Variants in STXBP6 observed in about 807,000 individuals in gnomAD.
STXBP6 encodes the protein syntaxin-binding protein 6.
Under a neutral mutation model 26.9 loss-of-function variants are expected in STXBP6, and 21 were observed. That is an observed-to-expected ratio of 0.78 (90% confidence interval 0.55 to 1.12). The LOEUF is 1.12. Ranked by LOEUF, STXBP6 falls within the 50% of genes most tolerant of loss-of-function variation. The pLI, the probability that STXBP6 is intolerant of heterozygous loss-of-function variation, is 0.00. For synonymous variants in STXBP6, 97 were observed against 92.6 expected, an observed-to-expected ratio of 1.05 and a Z score of -0.27; for missense variants, 232 against 257.9, an observed-to-expected ratio of 0.90 and a Z score of 0.69.
At chr14:25,048,437 G>T (rs2140531878) in intron 1 of STXBP6, among the ~76,000 whole-genome samples, 1 of 152,296 alleles carries the variant, frequency 6.6e-6, no homozygotes, top group East Asian at 1.9e-4. Flanking sequence ...TCTGACTCTA[G>T]AACTGTGTAG....
Position 25,002,503 on chromosome 14 carries a change from G to T in STXBP6, c.-32-27653C>A, listed in dbSNP as rs989895344. 2.6e-5 allele frequency among the ~76,000 whole-genome samples: 4 copies of T among 152,010 alleles called. 1 individual carries two copies. The South Asian group carries it at 8.3e-4, about 32-fold the overall frequency. On this transcript the variant is annotated intron_variant, in intron 1 of 5. Coordinates refer to ENST00000323944, the MANE Select transcript of STXBP6 (RefSeq NM_001394410.1). ...GCCTCCCAAGTAGCTGGGACTATAG[G>T]CACGTGCCACCACAGCCAGCTAATT...
rs541270762 is a variant in STXBP6, at chr14:25,049,111, G to A, written c.-33+767C>T. On this transcript the variant is annotated intron_variant, in intron 1 of 5. Transcript: ENST00000323944. This position sits in a 1 kb window ranked among gnomAD's most constrained non-coding sequence, Gnocchi z 5.6. ...TGTCTTTCCAAATTCTCCACCTGCA[G>A]GTCCTGTCCTCTGTGAAGATGAACG... 154 of 964,826 alleles carry A rather than the reference G, an allele frequency of 1.6e-4. No homozygotes were observed. In the African/African-American group the frequency reaches 2.6e-3, roughly 16 times the overall value. The allele number at this position is 964,826 out of a possible 1,614,324, so 59.8% of individuals were successfully genotyped here.
intron 1 of STXBP6, among the ~76,000 whole-genome samples, chr14:24,979,458 C>T (rs2074130426): frequency 6.6e-6 from 1 of 152,190 alleles, no homozygotes; most frequent in Non-Finnish European, 1.5e-5. Context: ...TTTCCTACTT[C>T]AACGGAACTT....
At chr14:24,898,419 C>T (rs1355888103) in intron 2 of STXBP6, among the ~76,000 whole-genome samples, 3 of 152,226 alleles carry the variant, frequency 2.0e-5, no homozygotes, top group Admixed American at 6.5e-5. Flanking sequence ...CGGGTCATGC[C>T]TGTAATCCCA....
chr14:24,883,542 T>C (rs1241641), intron 2 of STXBP6, among the ~76,000 whole-genome samples: 124,563 of 152,178 alleles, frequency 0.82, 51,022 homozygotes, highest in Admixed American at 0.88. Context: ...TGCTCATGAA[T>C]GGTAGAAGCC....
At chr14:24,964,647 C>CTGTGTG (rs34132743) in intron 2 of STXBP6, among the ~76,000 whole-genome samples, 8,002 of 140,146 alleles carry the variant, frequency 0.057, 401 homozygotes, top group African/African-American at 0.13. Flanking sequence ...AGTTCTCATT[C>CTGTGTG]TGTGTGTGTG....
chr14:24,889,624 ATAT>A (rs1296402680), intron 2 of STXBP6, among the ~76,000 whole-genome samples: 2 of 152,064 alleles, frequency 1.3e-5, no homozygotes, highest in African/African-American at 4.8e-5. Context: ...GTGTACTTAC[ATAT>A]TATATGTATG....
intron 2 of STXBP6, among the ~76,000 whole-genome samples, chr14:24,950,753 A>T (rs1473922188): frequency 6.6e-6 from 1 of 152,130 alleles, no homozygotes; most frequent in African/African-American, 2.4e-5. Flanking sequence ...AAATTTTTTT[A>T]AAGTTGTATT....
intron 2 of STXBP6, among the ~76,000 whole-genome samples, chr14:24,912,257 C>A (rs1180931840): frequency 6.6e-6 from 1 of 152,060 alleles, no homozygotes; most frequent in African/African-American, 2.4e-5. Flanking sequence ...GCAGCCTCTT[C>A]CTTTCAATTT....
chr14:25,013,772 T>C (rs924305680), intron 1 of STXBP6, among the ~76,000 whole-genome samples: 6 of 147,594 alleles, frequency 4.1e-5, no homozygotes, highest in South Asian at 2.1e-4. Flanking sequence ...AAGGAAAAGA[T>C]AGTGAAGGGT....
intron 2 of STXBP6, among the ~76,000 whole-genome samples, chr14:24,959,931 A>G (rs1420413249): frequency 1.3e-5 from 2 of 152,262 alleles, no homozygotes; most frequent in East Asian, 1.9e-4. Context: ...ACAGTGTACT[A>G]AAAGCAAAGT....
intron 4 of STXBP6, among the ~76,000 whole-genome samples, chr14:24,839,315 C>G (rs1031365747): frequency 6.6e-6 from 1 of 152,094 alleles, no homozygotes; most frequent in Non-Finnish European, 1.5e-5. Flanking sequence ...GGGGTTGTAA[C>G]TAGTAAGTTA....
At chr14:24,858,574 A>G (rs2139197829) in intron 2 of STXBP6, among the ~76,000 whole-genome samples, 1 of 152,244 alleles carries the variant, frequency 6.6e-6, no homozygotes, top group South Asian at 2.1e-4. Context: ...CTTAACACCC[A>G]CAATCAGATG....
intron 2 of STXBP6, among the ~76,000 whole-genome samples, chr14:24,962,943 C>A (rs565417751): frequency 2.7e-5 from 4 of 150,102 alleles, no homozygotes; most frequent in East Asian, 3.9e-4. Flanking sequence ...GTACTCAAGG[C>A]GACATTAAAA....
chr14:24,997,530 A>G (rs2074636124), intron 1 of STXBP6, among the ~76,000 whole-genome samples: 1 of 152,198 alleles, frequency 6.6e-6, no homozygotes, highest in Admixed American at 6.5e-5. Flanking sequence ...GTGTTTATTG[A>G]CTAAGCCATA....
intron 2 of STXBP6, among the ~76,000 whole-genome samples, chr14:24,905,413 G>T (rs74040704): frequency 0.014 from 2,060 of 152,266 alleles, 45 homozygotes; most frequent in African/African-American, 0.045. Context: ...AAAGTGCCTG[G>T]AATGCAGCAG....
chr14:25,012,852 AGG>A (rs2075061192), intron 1 of STXBP6, among the ~76,000 whole-genome samples: 1 of 152,224 alleles, frequency 6.6e-6, no homozygotes, highest in African/African-American at 2.4e-5. Context: ...AAGACTATTA[AGG>A]TTATATATCA....
intron 2 of STXBP6, among the ~76,000 whole-genome samples, chr14:24,875,274 T>C (rs1274850034): frequency 1.3e-5 from 2 of 152,202 alleles, no homozygotes; most frequent in Non-Finnish European, 2.9e-5. Context: ...GTCACAGAAG[T>C]GCATGCTGCC....
chr14:24,845,225 G>T (rs111294780), intron 4 of STXBP6, among the ~76,000 whole-genome samples: 74 of 152,136 alleles, frequency 4.9e-4, no homozygotes, highest in African/African-American at 1.4e-3. Flanking sequence ...TGTTAGCCAG[G>T]ATGGTCTCGA....
Sources: allele counts gnomAD v4.1 joint callset (sites outside exome capture counted in the v4.1 genomes callset), GRCh38; gene constraint gnomAD v4.1.1; non-coding constraint Gnocchi (gnomAD v3.1); transcripts MANE v1.5; gene names NCBI Gene and HGNC (gene_info 2026-07-23, HGNC 2026-07-21).